Variants in TNFSF8 observed in about 807,000 individuals in gnomAD.
TNFSF8 encodes the protein tumor necrosis factor ligand superfamily member 8.
Under a neutral mutation model 22.0 loss-of-function variants are expected in TNFSF8, and 4 were observed. The ratio of observed to expected loss-of-function variants is 0.18; its 90% confidence interval spans 0.09 to 0.42. The LOEUF (loss-of-function observed/expected upper bound fraction) is 0.42, where lower values mean the gene tolerates loss of function less well. Among genes scored for constraint, TNFSF8 ranks in the 10% least tolerant of loss-of-function variants. TNFSF8 has a pLI of 1.00. For missense variants in TNFSF8, 233 were observed against 281.8 expected (o/e 0.83, Z 1.24); for synonymous variants, 106 against 112.5 (o/e 0.94, Z 0.37).
rs138485574 is a variant in TNFSF8 at position 114,904,081 on chromosome 9, G to A, written c.555C>T (p.His185=). ...AGAATTGAGAGAGATTCTGGTATACGTGTTTCGTTTGCATTCCAGACTCAC... is the reference window on the plus strand; with the variant it reads ...AGAATTGAGAGAGATTCTGGTATACATGTTTCGTTTGCATTCCAGACTCAC... ...TVCESGMQTK[H]VYQNLSQFLL... is the part of the protein sequence containing the mutation. The change falls in exon 4 of 4, where the codon CAC becomes CAT. Residue 185 remains histidine, a synonymous_variant. Transcript: ENST00000223795. 6.1e-5 allele frequency: 99 copies of A among 1,614,010 alleles called. No homozygotes were observed. Among genetic ancestry groups the A allele is most frequent in the Admixed American group, 8.3e-5 (5 of 60,010 alleles).
chr9:114,926,823 G>C (rs1447277055), intron 1 of TNFSF8, among the ~76,000 whole-genome samples: 4 of 151,910 alleles, frequency 2.6e-5, no homozygotes, highest in Non-Finnish European at 4.4e-5. Flanking sequence ...GGGATTAGTG[G>C]TTGGGTGGGG....
chr9:114,904,423 A>G (rs1393112028), intron 3 of TNFSF8, 98 bp from the exon 4 acceptor site: 14 of 1,473,710 alleles, frequency 9.5e-6, no homozygotes, highest in African/African-American at 1.4e-5. Context: ...TTCAAGACCC[A>G]TGTTTTCTGT....
intron 2 of TNFSF8, among the ~76,000 whole-genome samples, chr9:114,915,534 T>C (rs1827908059): frequency 6.6e-6 from 1 of 152,176 alleles, no homozygotes; most frequent in Admixed American, 6.5e-5. Flanking sequence ...AGCAGGTCAC[T>C]GGCATCTCAT....
In TNFSF8 at chr9:114,902,566, G is replaced by A; in HGVS notation, c.*1365C>T. 1 of 985,404 alleles carries A rather than the reference G, an allele frequency of 1.0e-6. No homozygotes were observed. Among genetic ancestry groups the A allele is most frequent in the Non-Finnish European group, 1.2e-6 (1 of 829,930 alleles). 61.0% of individuals were successfully genotyped at this position (985,404 alleles called of 1,614,324 possible). On this transcript the variant is annotated 3_prime_UTR_variant, in exon 4 of 4. Transcript: ENST00000223795. Reference sequence around the variant, plus strand: ...TGGTAGTTCTTTCCATTACATCCTTGAGATCCTGCTGTTCACACCATTCAG... The same window carrying A: ...TGGTAGTTCTTTCCATTACATCCTTAAGATCCTGCTGTTCACACCATTCAG...
chr9:114,920,593 A>G (rs1357256383), intron 1 of TNFSF8, among the ~76,000 whole-genome samples: 7 of 152,236 alleles, frequency 4.6e-5, no homozygotes, highest in Non-Finnish European at 7.3e-5. Flanking sequence ...TAGAACTTCA[A>G]TGTGCATATG....
At chr9:114,928,447 A>G (rs1038706932) in intron 1 of TNFSF8, among the ~76,000 whole-genome samples, 2 of 152,226 alleles carry the variant, frequency 1.3e-5, no homozygotes, top group African/African-American at 4.8e-5. Context: ...AATCAATTCA[A>G]CTAAAAGTTG....
chr9:114,910,586 T>G (rs1827840753), intron 2 of TNFSF8, among the ~76,000 whole-genome samples: 1 of 152,156 alleles, frequency 6.6e-6, no homozygotes, highest in Admixed American at 6.5e-5. Flanking sequence ...AACTGAAAAC[T>G]GACAAGACAG....
chr9:114,899,415 A>C (rs1827693611), downstream of TNFSF8, among the ~76,000 whole-genome samples: 1 of 151,768 alleles, frequency 6.6e-6, no homozygotes, highest in Non-Finnish European at 1.5e-5. Flanking sequence ...GTAGAAAAAA[A>C]ACCTGGAAAG....
In TNFSF8 at chr9:114,918,118, A is replaced by G. The variant is rs1356591035; in HGVS notation, c.216T>C (p.Pro72=). Residue 72 remains proline, a synonymous_variant, in exon 2 of 4, where the codon CCT becomes CCC. Transcript: ENST00000223795. ...VQRTDSIPNS[P]DNVPLKGGNC... ...TACCTCCTTTGAGGGGGACGTTGTC[A>G]GGTGAGTTGGGAATGGAGTCCTGGA... 5 of 1,608,360 alleles carry G rather than the reference A, an allele frequency of 3.1e-6. No individual in the cohort carries two copies. Among genetic ancestry groups the G allele is most frequent in the Admixed American group, 1.7e-5 (1 of 59,168 alleles).
rs1341530592 is a variant in TNFSF8, at chr9:114,930,176, G to A, written c.128C>T (p.Thr43Ile). ...TTSRSYFYLT[T>I]ATLALCLVFT... is the part of the protein sequence containing the mutation. ...GACAAGGCACAGAGCCAGAGTGGCT[G>A]TGGTCAAATAGAAATAGCTGCGGCT... Residue 43 changes from threonine (T) to isoleucine (I), a missense_variant, in exon 1 of 4, where the codon ACA becomes ATA. Physicochemically the swap from Thr to Ile is moderately conservative, Grantham distance 89 (BLOSUM62 -1). Transcript: ENST00000223795. 1.2e-6 allele frequency: 2 copies of A among 1,604,926 alleles called. No individual in the cohort carries two copies. The highest frequency in any genetic ancestry group is 1.7e-5 in the Admixed American group (1 of 58,856).
downstream of TNFSF8, among the ~76,000 whole-genome samples, chr9:114,899,237 T>G (rs1827689517): frequency 6.6e-6 from 1 of 152,154 alleles, no homozygotes; most frequent in South Asian, 2.1e-4. Flanking sequence ...TTTTTAGCAT[T>G]CCAACATGTG....
At chr9:114,927,753 T>A (rs1337562562) in intron 1 of TNFSF8, among the ~76,000 whole-genome samples, 1 of 152,204 alleles carries the variant, frequency 6.6e-6, no homozygotes, top group Admixed American at 6.5e-5. Flanking sequence ...CCTGTTCCCA[T>A]CACATACAGA....
chr9:114,906,957 G>A (rs1397532297), intron 2 of TNFSF8, among the ~76,000 whole-genome samples: 1 of 152,180 alleles, frequency 6.6e-6, no homozygotes, highest in African/African-American at 2.4e-5. Flanking sequence ...TGACCATGTA[G>A]TCCATCCATC....
intron 1 of TNFSF8, among the ~76,000 whole-genome samples, chr9:114,925,970 C>T (rs577925028): frequency 1.1e-4 from 16 of 151,894 alleles, no homozygotes; most frequent in African/African-American, 3.6e-4. Flanking sequence ...ATTCCCCTGT[C>T]TCTTGAGGAG....
intron 2 of TNFSF8, among the ~76,000 whole-genome samples, chr9:114,917,779 C>A (rs923247932): frequency 1.3e-4 from 20 of 152,316 alleles, no homozygotes; most frequent in Middle Eastern, 3.4e-3. Flanking sequence ...AGCCAAGATT[C>A]ATTCCCCCAT....
At chr9:114,897,840 G>A (rs1463593344), downstream of TNFSF8, among the ~76,000 whole-genome samples, 1 of 152,090 alleles carries the variant, frequency 6.6e-6, no homozygotes, top group Non-Finnish European at 1.5e-5. Context: ...AAAGAGCTTA[G>A]AGTTTAGGAA....
intron 2 of TNFSF8, among the ~76,000 whole-genome samples, chr9:114,906,324 C>T (rs1827785398): frequency 1.3e-5 from 2 of 152,192 alleles, no homozygotes; most frequent in African/African-American, 4.8e-5. Context: ...GGTGCCTTGC[C>T]AGGCAGTGGT....
chr9:114,930,485 C>G lies in TNFSF8; in HGVS notation c.-182G>C, dbSNP rs1009362077. 1 of 472,448 alleles carries G rather than the reference C, an allele frequency of 2.1e-6. No individual in the cohort carries two copies. Among genetic ancestry groups the G allele is most frequent in the Non-Finnish European group, 3.6e-6 (1 of 274,144 alleles). The allele number at this position is 472,448 out of a possible 1,614,324, so 29.3% of individuals were successfully genotyped here. On this transcript the variant is annotated 5_prime_UTR_variant, in exon 1 of 4. Transcript: ENST00000223795. Reference sequence around the variant, plus strand: ...GGGGGCGTGAGGCGAGAGGCGGCAGCAAGGGTGGGGGAGAGGTTCATTTTT... The same window carrying G: ...GGGGGCGTGAGGCGAGAGGCGGCAGGAAGGGTGGGGGAGAGGTTCATTTTT...
chr9:114,907,412 G>A (rs1827798088), intron 2 of TNFSF8, among the ~76,000 whole-genome samples: 1 of 152,138 alleles, frequency 6.6e-6, no homozygotes, highest in African/African-American at 2.4e-5. Flanking sequence ...AACACTAATG[G>A]CTGCTTATGC....
Sources: allele counts gnomAD v4.1 joint callset (sites outside exome capture counted in the v4.1 genomes callset), GRCh38; gene constraint gnomAD v4.1.1; transcripts MANE v1.5; gene names NCBI Gene and HGNC (gene_info 2026-07-23, HGNC 2026-07-21).